Variants in CPQ observed in about 807,000 individuals in gnomAD.
The protein encoded by CPQ is Ser-Met dipeptidase.
CPQ carries 37 observed loss-of-function variants against 45.7 expected under a neutral mutation model. The observed-to-expected ratio is 0.81, with a 90% CI of 0.62 to 1.07. The LOEUF is 1.07. Ranked by LOEUF, CPQ falls within the 50% of genes least tolerant of loss-of-function variation. The pLI is 0.00. For missense variants in CPQ, 537 were observed against 572.9 expected (o/e 0.94, Z 0.64); for synonymous variants, 186 against 205.8 (o/e 0.90, Z 0.82).
chr8:96,772,507 A>G (rs1275982686), intron 1 of CPQ, among the ~76,000 whole-genome samples: 1 of 152,066 alleles, frequency 6.6e-6, no homozygotes, highest in Non-Finnish European at 1.5e-5. Context: ...CAAATGATAT[A>G]TGGTGCCTTG....
chr8:96,694,866 G>A (rs1246460537), intron 1 of CPQ, among the ~76,000 whole-genome samples: 37 of 152,118 alleles, frequency 2.4e-4, no homozygotes, highest in Admixed American at 2.4e-3. Context: ...AACTAGAAAA[G>A]CAGTTTTTTC....
intron 7 of CPQ, among the ~76,000 whole-genome samples, chr8:97,078,759 C>T (rs1810892804): frequency 7.4e-6 from 1 of 135,098 alleles, no homozygotes; most frequent in Non-Finnish European, 1.6e-5. Context: ...GATATCATTT[C>T]CATTTCTCTC....
chr8:97,143,108 G>A lies in CPQ; in HGVS notation c.1344G>A (p.Met448Ile). The stretch of plus-strand genomic sequence containing the variant: ...TGACTGTCATGGATCCAAAGCAGAT[G>A]AATGTTGCTGCTGCTGTTTGGGCTG... Reference protein sequence around the residue: ...DTMTVMDPKQMNVAAAVWAVV... With the variant: ...DTMTVMDPKQINVAAAVWAVV... The change falls in exon 8 of 8, where the codon ATG becomes ATA. Residue 448 changes from methionine to isoleucine, a missense_variant. Met to Ile is a conservative substitution (Grantham distance 10, BLOSUM62 1). Coordinates refer to ENST00000220763, the MANE Select transcript of CPQ (RefSeq NM_016134.4). The A allele has an allele frequency of 6.2e-7, 1 of 1,614,032 alleles. No individual in the cohort carries two copies. The highest frequency in any genetic ancestry group is 8.5e-7 in the Non-Finnish European group (1 of 1,179,940).
chr8:96,930,305 C>CT (rs1458683291), intron 4 of CPQ, among the ~76,000 whole-genome samples: 2 of 152,108 alleles, frequency 1.3e-5, no homozygotes, highest in Admixed American at 1.3e-4. Flanking sequence ...GTTGAATTTC[C>CT]TTTTTTCCAG....
intron 2 of CPQ, among the ~76,000 whole-genome samples, chr8:96,804,022 A>G (rs1299568544): frequency 6.6e-6 from 1 of 152,170 alleles, no homozygotes; most frequent in African/African-American, 2.4e-5. Flanking sequence ...GAGGAGTGAT[A>G]ATTCTGTTTG....
intron 5 of CPQ, among the ~76,000 whole-genome samples, chr8:97,007,681 G>A (rs1178098985): frequency 6.6e-6 from 1 of 152,172 alleles, no homozygotes; most frequent in African/African-American, 2.4e-5. Context: ...ACACAGTTAT[G>A]CTTTAGTGTA....
chr8:97,043,727 T>C (rs1810177568), intron 6 of CPQ, among the ~76,000 whole-genome samples: 1 of 152,210 alleles, frequency 6.6e-6, no homozygotes, highest in Admixed American at 6.5e-5. Context: ...GTATTTTATT[T>C]CTCCTTAACT....
chr8:96,712,142 A>G (rs1169398284), intron 1 of CPQ, among the ~76,000 whole-genome samples: 1 of 152,334 alleles, frequency 6.6e-6, no homozygotes, highest in African/African-American at 2.4e-5. Context: ...TCCATGTCTC[A>G]CATCCAGGTC....
At chr8:96,911,939 A>C (rs889648013) in intron 4 of CPQ, among the ~76,000 whole-genome samples, 1 of 152,186 alleles carries the variant, frequency 6.6e-6, no homozygotes, top group Non-Finnish European at 1.5e-5. Context: ...CTGGCTGTGC[A>C]GCTTGACTGT....
intron 2 of CPQ, among the ~76,000 whole-genome samples, chr8:96,798,358 C>T (rs1446252146): frequency 1.3e-5 from 2 of 152,026 alleles, no homozygotes; most frequent in African/African-American, 2.4e-5. Context: ...GTCTTGAACT[C>T]GAACTCCCAG....
chr8:96,727,081 A>G (rs970313905), intron 1 of CPQ, among the ~76,000 whole-genome samples: 12 of 152,284 alleles, frequency 7.9e-5, no homozygotes, highest in South Asian at 4.1e-4. Flanking sequence ...ATGGCTATGA[A>G]CATTCTTGTG....
In CPQ at chr8:96,669,675, C is replaced by T. The variant is rs866708528; in HGVS notation, c.-35+24273C>T. Among the ~76,000 whole-genome samples, 25 of 152,160 alleles carry T rather than the reference C, an allele frequency of 1.6e-4. 1 individual carries two copies. The highest frequency in any genetic ancestry group is 4.1e-4 in the South Asian group (2 of 4,828). ...CAACAATTACATTAAATGTTAATGG[C>T]GTAAATGTAACAATTTAAAACAGAT... On this transcript the variant is annotated intron_variant, in intron 1 of 7. Coordinates refer to ENST00000220763, the MANE Select transcript of CPQ (RefSeq NM_016134.4).
chr8:96,932,295 C>G (rs1486047068), intron 4 of CPQ, among the ~76,000 whole-genome samples: 1 of 152,072 alleles, frequency 6.6e-6, no homozygotes, highest in Non-Finnish European at 1.5e-5. Context: ...ATATATTATT[C>G]CTATGTGCAT....
intron 6 of CPQ, among the ~76,000 whole-genome samples, chr8:97,052,849 T>C (rs750607410): frequency 7.2e-5 from 11 of 152,328 alleles, no homozygotes; most frequent in Admixed American, 2.6e-4. Context: ...TATATCCTCC[T>C]GGAAAGCATT....
intron 1 of CPQ, among the ~76,000 whole-genome samples, chr8:96,705,516 A>G (rs1197478398): frequency 6.6e-6 from 1 of 152,154 alleles, no homozygotes; most frequent in Non-Finnish European, 1.5e-5. Context: ...GCAGATGGGA[A>G]ACTTTTTGAG....
chr8:96,669,277 C>T (rs540567350), intron 1 of CPQ, among the ~76,000 whole-genome samples: 9 of 152,196 alleles, frequency 5.9e-5, no homozygotes, highest in South Asian at 2.1e-4. Flanking sequence ...GGACTTTTAC[C>T]GTTTCCCAGA....
intron 6 of CPQ, among the ~76,000 whole-genome samples, chr8:97,039,915 C>A (rs1810084794): frequency 6.6e-6 from 1 of 151,940 alleles, no homozygotes; most frequent in Non-Finnish European, 1.5e-5. Context: ...CAAGTCTTTG[C>A]TATTGTGAAT....
chr8:97,109,778 C>T (rs957661812), intron 7 of CPQ, among the ~76,000 whole-genome samples: 7 of 152,102 alleles, frequency 4.6e-5, no homozygotes, highest in Non-Finnish European at 1.0e-4. Flanking sequence ...TTATGACCTC[C>T]GCCTCCCTTT....
chr8:96,957,831 C>G (rs1428356181), intron 4 of CPQ, among the ~76,000 whole-genome samples: 1 of 150,440 alleles, frequency 6.6e-6, no homozygotes. Flanking sequence ...CTGTAGGGTA[C>G]CAAATGCTTT....
Sources: allele counts gnomAD v4.1 joint callset (sites outside exome capture counted in the v4.1 genomes callset), GRCh38; gene constraint gnomAD v4.1.1; transcripts MANE v1.5; gene names NCBI Gene and HGNC (gene_info 2026-07-23, HGNC 2026-07-21).